VPS13B: variants seen among roughly 807,000 people sequenced by gnomAD.
VPS13B encodes intermembrane lipid transfer protein VPS13B.
In VPS13B, 285 loss-of-function variants were observed where a neutral mutation model predicts 426.4. That is an observed-to-expected ratio of 0.67 (90% CI 0.61 to 0.74). The LOEUF is 0.74. Among genes scored for constraint, VPS13B ranks in the 30% least tolerant of loss-of-function variants. The pLI, the probability that VPS13B is intolerant of heterozygous loss-of-function variation, is 0.00. For missense variants in VPS13B, 4,537 were observed against 4,782.6 expected (o/e 0.95, Z 1.51); for synonymous variants, 1,676 against 1,676.4 (o/e 1.00, Z 0.01).
At chr8:99,748,097 C>T (rs1179441494) in intron 39 of VPS13B, among the ~76,000 whole-genome samples, 1 of 152,026 alleles carries the variant, frequency 6.6e-6, no homozygotes, top group Non-Finnish European at 1.5e-5. Context: ...AATGTATCCC[C>T]TAAATAGCTA....
At chr8:99,235,732 A>G (rs936648977) in intron 17 of VPS13B, among the ~76,000 whole-genome samples, 1 of 152,210 alleles carries the variant, frequency 6.6e-6, no homozygotes, top group African/African-American at 2.4e-5. Flanking sequence ...TTTCAACATA[A>G]TTTATTACAC....
At chr8:99,812,063 G>A (rs1055731099) in intron 44 of VPS13B, among the ~76,000 whole-genome samples, 1 of 152,052 alleles carries the variant, frequency 6.6e-6, no homozygotes, top group African/African-American at 2.4e-5. Context: ...CAGTGTTCCT[G>A]CACAAATATT....
chr8:99,597,893 A>G (rs1404508981), intron 33 of VPS13B, among the ~76,000 whole-genome samples: 1 of 152,054 alleles, frequency 6.6e-6, no homozygotes, highest in East Asian at 1.9e-4. Context: ...TGAGCACACA[A>G]TGGACTTCAA....
chr8:99,268,597 C>T (rs541724010), intron 17 of VPS13B, among the ~76,000 whole-genome samples: 2 of 152,238 alleles, frequency 1.3e-5, no homozygotes, highest in African/African-American at 4.8e-5. Flanking sequence ...GCCAATTTCT[C>T]CCATTTGGAA....
chr8:99,257,561 TACACAC>T (rs34558672), intron 17 of VPS13B, among the ~76,000 whole-genome samples: 31 of 150,922 alleles, frequency 2.1e-4, no homozygotes, highest in East Asian at 9.7e-4. Flanking sequence ...TGCATGTGTG[TACACAC>T]ACACACACAC....
chr8:99,426,143 A>G (rs1315395587), intron 21 of VPS13B, among the ~76,000 whole-genome samples: 1 of 146,226 alleles, frequency 6.8e-6, no homozygotes, highest in Non-Finnish European at 1.5e-5. Context: ...ATTCCCACCT[A>G]TGAGTGAGAA....
At chr8:99,102,907 A>G in intron 4 of VPS13B, 46 bp from the exon 5 acceptor site, 2 of 1,474,042 alleles carry the variant, frequency 1.4e-6, no homozygotes, top group African/African-American at 1.4e-5. Flanking sequence ...ATAATTATTT[A>G]CTGAGAGATT....
At chr8:99,873,805 A>T (rs1404438695) in intron 61 of VPS13B, among the ~76,000 whole-genome samples, 1 of 152,196 alleles carries the variant, frequency 6.6e-6, no homozygotes, top group Non-Finnish European at 1.5e-5. Flanking sequence ...CTGCCTTGTC[A>T]GTGAGCTTTC....
At chr8:99,875,191 C>T (rs1011559902) in intron 61 of VPS13B, 1 of 617,590 alleles carries the variant, frequency 1.6e-6, no homozygotes, top group Non-Finnish European at 2.8e-6. Flanking sequence ...AATGCTTATT[C>T]TAAGGAGGCT....
At chr8:99,636,887 G>T (rs35462366) in intron 33 of VPS13B, among the ~76,000 whole-genome samples, 20,888 of 151,976 alleles carry the variant, frequency 0.14, 1,988 homozygotes, top group East Asian at 0.39. Flanking sequence ...ACAGAGGACC[G>T]AAGTAATGTA....
At chr8:99,338,490 A>G (rs59980540) in intron 19 of VPS13B, among the ~76,000 whole-genome samples, 3,120 of 152,174 alleles carry the variant, frequency 0.021, 115 homozygotes, top group African/African-American at 0.071. Flanking sequence ...ATATAATTAT[A>G]CTTACTGAGA....
Position 99,819,342 on chromosome 8 carries a change from A to AT in VPS13B, c.8622-65dup. 1.9e-6 allele frequency: 3 copies of AT among 1,554,006 alleles called. No homozygotes were observed. In the South Asian group the frequency reaches 3.4e-5, roughly 18 times the overall value. On this transcript the variant is annotated intron_variant, in intron 47 of 61. Transcript: ENST00000357162. ...GTCTATAATACATTTGTAGTTAGATATTTTTCAATAAATTATATACCACTT... is the reference window on the plus strand; with the variant it reads ...GTCTATAATACATTTGTAGTTAGATATTTTTTCAATAAATTATATACCACTT...
intron 30 of VPS13B, among the ~76,000 whole-genome samples, chr8:99,540,535 G>A (rs563952703): frequency 6.6e-6 from 1 of 152,186 alleles, no homozygotes; most frequent in African/African-American, 2.4e-5. Flanking sequence ...TATATTGAAT[G>A]CTTTTGCCTC....
At chr8:99,281,793 C>T (rs1443956169) in intron 19 of VPS13B, among the ~76,000 whole-genome samples, 1 of 152,156 alleles carries the variant, frequency 6.6e-6, no homozygotes, top group Non-Finnish European at 1.5e-5. Context: ...TTGCTTTGTT[C>T]CCCTCCTCGA....
chr8:99,070,731 G>A (rs185520203), intron 3 of VPS13B, among the ~76,000 whole-genome samples: 238 of 151,658 alleles, frequency 1.6e-3, no homozygotes, highest in African/African-American at 5.3e-3. Flanking sequence ...AAACTGTTAC[G>A]TCATTGAGTA....
At chr8:99,647,997 G>A (rs1485037068) in intron 34 of VPS13B, among the ~76,000 whole-genome samples, 2 of 152,160 alleles carry the variant, frequency 1.3e-5, no homozygotes, top group South Asian at 2.1e-4. Context: ...ATACCAAGGT[G>A]ACTACTTTAA....
chr8:99,795,283 A>G (rs556317376), intron 43 of VPS13B, among the ~76,000 whole-genome samples: 5 of 152,248 alleles, frequency 3.3e-5, no homozygotes, highest in South Asian at 2.1e-4. Context: ...CTGCCACCAC[A>G]TAGCAAGGAT....
intron 17 of VPS13B, among the ~76,000 whole-genome samples, chr8:99,256,121 G>A (rs567269047): frequency 2.0e-5 from 3 of 152,208 alleles, no homozygotes; most frequent in Admixed American, 1.3e-4. Context: ...ACAGGTTGGG[G>A]AACTTTTTTC....
At chr8:99,394,764 G>A (rs886226536) in intron 21 of VPS13B, among the ~76,000 whole-genome samples, 1 of 152,056 alleles carries the variant, frequency 6.6e-6, no homozygotes, top group Admixed American at 6.6e-5. Context: ...TATCTTACAA[G>A]TTTATATATT....
Sources: gnomAD v4.1 joint callset for allele counts (sites outside exome capture counted in the v4.1 genomes callset) on GRCh38, gnomAD v4.1.1 for gene constraint, MANE v1.5 for transcripts, NCBI Gene and HGNC (gene_info 2026-07-23, HGNC 2026-07-21) for gene names.